The following FBXL2 variants were observed in gnomAD, a reference collection of about 807,000 sequenced individuals.
The protein encoded by FBXL2 is F-box and leucine rich repeat protein 2.
A neutral mutation model predicts 69.2 loss-of-function variants in FBXL2; 38 were observed. That is an observed-to-expected ratio of 0.55 (90% CI 0.42 to 0.72). The LOEUF (loss-of-function observed/expected upper bound fraction) is 0.72. Ranked by LOEUF, FBXL2 falls within the 30% of genes least tolerant of loss-of-function variation. The pLI, the probability that FBXL2 is intolerant of heterozygous loss-of-function variation, is 0.00. For missense variants in FBXL2, 354 were observed against 520.3 expected, an observed-to-expected ratio of 0.68 and a Z score of 3.11; for synonymous variants, 192 against 201.3, an observed-to-expected ratio of 0.95 and a Z score of 0.39.
At chr3:33,410,432 C>T in the FBXL2 span, among the ~76,000 whole-genome samples, 1 of 152,216 alleles carries the variant, frequency 6.6e-6, no homozygotes, top group East Asian at 1.9e-4. Flanking sequence ...CAAACACCAA[C>T]AGTATGAGTT....
chr3:33,325,688 G>A (rs1472849533), intron 2 of FBXL2, among the ~76,000 whole-genome samples: 8 of 151,978 alleles, frequency 5.3e-5, no homozygotes, highest in East Asian at 1.9e-4. Flanking sequence ...TAAATCATTG[G>A]TCTTTCCTTT....
intron 2 of FBXL2, among the ~76,000 whole-genome samples, chr3:33,358,538 C>T (rs1382289334): frequency 2.6e-5 from 4 of 152,140 alleles, no homozygotes; most frequent in African/African-American, 9.7e-5. Flanking sequence ...CATCTTTCTG[C>T]CAGGCAAACA....
At chr3:33,368,744 G>A (rs1236370186) in intron 5 of FBXL2, among the ~76,000 whole-genome samples, 1 of 151,952 alleles carries the variant, frequency 6.6e-6, no homozygotes, top group Non-Finnish European at 1.5e-5. Flanking sequence ...GTGCCACCAC[G>A]CCCAGCTAAT....
upstream of FBXL2, chr3:33,277,420 CG>C: frequency 8.2e-7 from 1 of 1,223,776 alleles, no homozygotes. Context: ...ACCTTGGGGA[CG>C]GGGCGGGGCG....
rs1170624281 is a variant in FBXL2, at chr3:33,307,745, T to A, written c.65+10020T>A. Among the ~76,000 whole-genome samples, 3 of 152,086 alleles carry A rather than the reference T, an allele frequency of 2.0e-5. No homozygotes were observed. In the East Asian group the frequency reaches 5.8e-4, roughly 29 times the overall value. On this transcript the variant is annotated intron_variant, in intron 2 of 14. Coordinates refer to ENST00000484457, the MANE Select transcript of FBXL2 (RefSeq NM_012157.5). ...AGAAAACGATAATGCAAATGCAGTATAATTTAGCTTTGGCAAATTTGGGTG... is the reference window on the plus strand; with the variant it reads ...AGAAAACGATAATGCAAATGCAGTAAAATTTAGCTTTGGCAAATTTGGGTG...
At chr3:33,380,555 TA>T (rs57394351) in intron 13 of FBXL2, among the ~76,000 whole-genome samples, 29,541 of 97,354 alleles carry the variant, frequency 0.3, 3,744 homozygotes, top group East Asian at 0.61. Flanking sequence ...CAAAACTCCA[TA>T]AAAAAAAAAA....
intron 2 of FBXL2, among the ~76,000 whole-genome samples, chr3:33,343,543 T>G (rs1055267828): frequency 6.6e-6 from 1 of 152,124 alleles, no homozygotes; most frequent in Non-Finnish European, 1.5e-5. Context: ...TAAAAATATT[T>G]TATTGATTAG....
In FBXL2 at chr3:33,373,961, T is replaced by C. The variant is rs1158991298; in HGVS notation, c.657+40T>C. 1.9e-6 allele frequency: 3 copies of C among 1,604,236 alleles called. No homozygotes were observed. In the South Asian group the frequency reaches 3.3e-5, roughly 18 times the overall value. On this transcript the variant is annotated intron_variant, in intron 9 of 14. Coordinates refer to ENST00000484457, the MANE Select transcript of FBXL2 (RefSeq NM_012157.5). The stretch of plus-strand genomic sequence containing the variant: ...TTTCCTGAACACTGTTTGCTCTATC[T>C]TGTCTCCCAAAGCAGTCTGCCTCAG...
At chr3:33,281,314 G>A (rs147670395) in intron 1 of FBXL2, among the ~76,000 whole-genome samples, 36,494 of 151,880 alleles carry the variant, frequency 0.24, 5,109 homozygotes, top group East Asian at 0.48. Flanking sequence ...CTGTCCTTGT[G>A]ATAGTTTGCC....
chr3:33,383,684 G>T (rs1403392172), intron 13 of FBXL2: 2 of 339,610 alleles, frequency 5.9e-6, no homozygotes, highest in Admixed American at 8.2e-5. Flanking sequence ...TTAGAAGAGA[G>T]AAGCCACTCC....
rs185637818 is a variant in FBXL2 at position 33,387,039 on chromosome 3, T to C, written c.*1431T>C. On this transcript the variant is annotated 3_prime_UTR_variant, in exon 15 of 15. Coordinates refer to ENST00000484457, the MANE Select transcript of FBXL2 (RefSeq NM_012157.5). ...TCTAGGAAGAGAAGCAGATTATATA[T>C]ATATATAATCTCCCCATAAACGGAC... 2 of 152,294 alleles carry C rather than the reference T, an allele frequency of 1.3e-5. No homozygotes were observed. The highest frequency in any genetic ancestry group is 4.8e-5 in the African/African-American group (2 of 41,556). The allele number at this position is 152,294 out of a possible 1,614,324, so 9.4% of individuals were successfully genotyped here.
intron 1 of FBXL2, chr3:33,289,734 C>T: frequency 2.0e-6 from 2 of 985,402 alleles, no homozygotes; most frequent in Non-Finnish European, 2.4e-6. Context: ...TCAATTAGTA[C>T]ATTGGAATAG....
At chr3:33,421,206 A>G in the FBXL2 span, among the ~76,000 whole-genome samples, 1 of 149,694 alleles carries the variant, frequency 6.7e-6, no homozygotes, top group Non-Finnish European at 1.5e-5. Context: ...TTGGGACTAC[A>G]GTTTTTACTC....
chr3:33,392,985 A>G, downstream of FBXL2: 1 of 317,950 alleles, frequency 3.1e-6, no homozygotes, highest in Non-Finnish European at 5.7e-6. Context: ...TTAGTCATCA[A>G]ATAATAGACA....
intron 2 of FBXL2, among the ~76,000 whole-genome samples, chr3:33,344,284 C>G (rs2040278915): frequency 6.6e-6 from 1 of 151,918 alleles, no homozygotes; most frequent in Non-Finnish European, 1.5e-5. Flanking sequence ...TAATTTCAGT[C>G]AAAATCTCGG....
At chr3:33,366,956 TAAAA>T (rs1428458308) in intron 5 of FBXL2, among the ~76,000 whole-genome samples, 1 of 152,086 alleles carries the variant, frequency 6.6e-6, no homozygotes, top group African/African-American at 2.4e-5. Flanking sequence ...ATAAATTAAA[TAAAA>T]AAACAATTTT....
At chr3:33,314,241 G>GA (rs2037468621) in intron 2 of FBXL2, among the ~76,000 whole-genome samples, 1 of 152,016 alleles carries the variant, frequency 6.6e-6, no homozygotes, top group Non-Finnish European at 1.5e-5. Context: ...TGACACATCT[G>GA]TCACCACTCA....
intron 13 of FBXL2, among the ~76,000 whole-genome samples, chr3:33,380,791 C>T (rs527717012): frequency 6.6e-6 from 1 of 152,260 alleles, no homozygotes; most frequent in African/African-American, 2.4e-5. Flanking sequence ...AAAGTAACCA[C>T]CTCTGAGTCA....
intron 13 of FBXL2, among the ~76,000 whole-genome samples, chr3:33,380,209 G>GT (rs545781491): frequency 6.8e-6 from 1 of 147,346 alleles, no homozygotes; most frequent in East Asian, 2.0e-4. Context: ...TGGCGACAGA[G>GT]TGAGACTCTG....
Sources: gnomAD v4.1 joint callset for allele counts (sites outside exome capture counted in the v4.1 genomes callset) on GRCh38, gnomAD v4.1.1 for gene constraint, MANE v1.5 for transcripts, NCBI Gene and HGNC (gene_info 2026-07-23, HGNC 2026-07-21) for gene names.